The following PDE4D variants were observed in gnomAD, a reference collection of about 807,000 sequenced individuals.
PDE4D encodes the protein phosphodiesterase 4D.
PDE4D carries 24 observed loss-of-function variants against 87.4 expected under a neutral mutation model. The ratio of observed to expected loss-of-function variants is 0.27; its 90% CI spans 0.20 to 0.39. The LOEUF (loss-of-function observed/expected upper bound fraction) is 0.39, where lower values mean the gene tolerates loss of function less well. Ranked by LOEUF, PDE4D falls within the 10% of genes least tolerant of loss-of-function variation. The pLI is 1.00. For missense variants in PDE4D, 714 were observed against 1,041.0 expected, an observed-to-expected ratio of 0.69 and a Z score of 4.32; for synonymous variants, 384 against 383.2, an observed-to-expected ratio of 1.00 and a Z score of -0.02.
intron 1 of PDE4D, among the ~76,000 whole-genome samples, chr5:60,221,450 T>C (rs914904747): frequency 6.6e-6 from 1 of 152,168 alleles, no homozygotes; most frequent in African/African-American, 2.4e-5. Flanking sequence ...ATTATATGGC[T>C]TATTTGTCTT....
intron 1 of PDE4D, among the ~76,000 whole-genome samples, chr5:59,488,802 G>T (rs936356371): frequency 6.6e-6 from 1 of 151,618 alleles, no homozygotes; most frequent in African/African-American, 2.4e-5. Flanking sequence ...GTAAAATATT[G>T]TTGGATGTAT....
intron 1 of PDE4D, among the ~76,000 whole-genome samples, chr5:60,434,861 T>C (rs1253336093): frequency 6.6e-6 from 1 of 151,938 alleles, no homozygotes; most frequent in Non-Finnish European, 1.5e-5. Context: ...AAATTAAGAG[T>C]ATTGAACCCT....
At chr5:60,329,201 C>A (rs1757082719) in intron 1 of PDE4D, among the ~76,000 whole-genome samples, 1 of 152,028 alleles carries the variant, frequency 6.6e-6, no homozygotes, top group African/African-American at 2.4e-5. Context: ...TCCCATAATC[C>A]CCATGTGTCA....
At chr5:59,620,149 T>C (rs1440202387) in intron 1 of PDE4D, among the ~76,000 whole-genome samples, 1 of 151,992 alleles carries the variant, frequency 6.6e-6, no homozygotes, top group Non-Finnish European at 1.5e-5. Flanking sequence ...GAGTTTTTAT[T>C]GGGAAAAAAG....
At chr5:59,601,268 A>G (rs1291052286) in intron 1 of PDE4D, among the ~76,000 whole-genome samples, 1 of 152,154 alleles carries the variant, frequency 6.6e-6, no homozygotes, top group African/African-American at 2.4e-5. Flanking sequence ...TTATAATCCA[A>G]GAAGTCATTT....
chr5:59,791,760 C>T (rs529568815), intron 1 of PDE4D, among the ~76,000 whole-genome samples: 12 of 152,242 alleles, frequency 7.9e-5, no homozygotes, highest in East Asian at 5.8e-4. Flanking sequence ...CAGACAGCCC[C>T]GGGCTTAGAA....
At chr5:59,275,566 T>A (rs964628234) in intron 1 of PDE4D, 1 of 1,414,802 alleles carries the variant, frequency 7.1e-7, no homozygotes, top group Non-Finnish European at 9.2e-7. Context: ...GTCCAGCTCA[T>A]GGGCAAGGTT....
At chr5:60,293,624 G>A (rs925977765) in intron 1 of PDE4D, among the ~76,000 whole-genome samples, 1 of 152,158 alleles carries the variant, frequency 6.6e-6, no homozygotes, top group Non-Finnish European at 1.5e-5. Context: ...CCCTTTCAGA[G>A]GCTAACCTTT....
chr5:60,051,085 A>T (rs1031218334), intron 2 of PDE4D, among the ~76,000 whole-genome samples: 7 of 152,168 alleles, frequency 4.6e-5, no homozygotes, highest in Admixed American at 1.3e-4. Flanking sequence ...CCCACACAAT[A>T]ATATTGGGAG....
At chr5:59,605,621 A>T (rs1021348896) in intron 1 of PDE4D, among the ~76,000 whole-genome samples, 4 of 152,098 alleles carry the variant, frequency 2.6e-5, no homozygotes, top group African/African-American at 9.7e-5. Context: ...AACTCCTGTT[A>T]CTATAATTCT....
chr5:58,996,187 G>A (rs554383581), intron 6 of PDE4D, among the ~76,000 whole-genome samples: 1 of 152,296 alleles, frequency 6.6e-6, no homozygotes, highest in East Asian at 1.9e-4. Flanking sequence ...TAATGTAGAT[G>A]ACAGGTTGAT....
intron 1 of PDE4D, among the ~76,000 whole-genome samples, chr5:60,400,837 C>T (rs957460847): frequency 3.3e-5 from 5 of 152,088 alleles, no homozygotes; most frequent in African/African-American, 1.2e-4. Context: ...GAGGCTGAGA[C>T]AGGAGAATTG....
intron 1 of PDE4D, among the ~76,000 whole-genome samples, chr5:59,233,335 A>C (rs1755659052): frequency 6.6e-6 from 1 of 152,208 alleles, no homozygotes. Flanking sequence ...AAAAACAAAA[A>C]TTAGGCTTGC....
intron 1 of PDE4D, among the ~76,000 whole-genome samples, chr5:59,402,066 T>G (rs936600594): frequency 6.6e-6 from 1 of 152,222 alleles, no homozygotes; most frequent in Admixed American, 6.5e-5. Context: ...ATGATAATTC[T>G]GAGAGACAAG....
In PDE4D at chr5:59,200,214, CGTGTAT is replaced by C. The variant is rs1404388313; in HGVS notation, c.648-6684_648-6679del. ...ACATACACGTGTATGTATAGATACA[CGTGTAT>C]GTATACATACATATGTGTATGTACA... On this transcript the variant is annotated intron_variant, in intron 2 of 14. Transcript: ENST00000340635. 2.8e-5 allele frequency among the ~76,000 whole-genome samples: 4 copies of C among 140,612 alleles called. No homozygotes were observed. The South Asian group carries it at 8.7e-4, about 31-fold the overall frequency. 92.2% of individuals were successfully genotyped at this position (140,612 alleles called of 152,430 possible). A position where few individuals can be genotyped will look rare whatever the true frequency, so the allele number is the denominator to read the frequency against.
At chr5:60,341,165 T>C (rs1372592989) in intron 1 of PDE4D, among the ~76,000 whole-genome samples, 2 of 152,184 alleles carry the variant, frequency 1.3e-5, no homozygotes, top group African/African-American at 4.8e-5. Context: ...ATGTTCATGC[T>C]TCAAAGAACA....
chr5:59,205,137 C>T (rs1748450064), intron 2 of PDE4D, among the ~76,000 whole-genome samples: 1 of 152,190 alleles, frequency 6.6e-6, no homozygotes, highest in Admixed American at 6.5e-5. Context: ...AGATCTGGTA[C>T]TTGCCCAACA....
intron 1 of PDE4D, among the ~76,000 whole-genome samples, chr5:59,478,788 G>A (rs940277721): frequency 1.3e-5 from 2 of 151,960 alleles, no homozygotes; most frequent in Admixed American, 6.6e-5. Flanking sequence ...ATAAATATAA[G>A]TATTAAAAAC....
At chr5:60,044,445 T>C (rs1768942875) in intron 2 of PDE4D, among the ~76,000 whole-genome samples, 1 of 152,098 alleles carries the variant, frequency 6.6e-6, no homozygotes, top group Non-Finnish European at 1.5e-5. Flanking sequence ...ACATGTGCCA[T>C]GCTGGTGTGC....
Sources: allele counts gnomAD v4.1 joint callset (sites outside exome capture counted in the v4.1 genomes callset), GRCh38; gene constraint gnomAD v4.1.1; transcripts MANE v1.5; gene names NCBI Gene and HGNC (gene_info 2026-07-23, HGNC 2026-07-21).